The following FRYL variants were observed in gnomAD, a reference collection of about 807,000 sequenced individuals.
FRYL encodes the protein protein furry homolog-like.
In FRYL, 150 loss-of-function variants were observed where a neutral mutation model predicts 351.2. That is an observed-to-expected ratio of 0.43 (90% CI 0.37 to 0.49). The LOEUF (loss-of-function observed/expected upper bound fraction) is 0.49, where lower values mean the gene tolerates loss of function less well. FRYL is among the 20% of genes least tolerant of loss of function. FRYL has a pLI of 0.00. For missense variants in FRYL, 3,036 were observed against 3,619.3 expected (o/e 0.84, Z 4.13); for synonymous variants, 1,153 against 1,257.1 (o/e 0.92, Z 1.75).
At chr4:48,697,832 T>C (rs1025289134) in intron 2 of FRYL, among the ~76,000 whole-genome samples, 8 of 152,292 alleles carry the variant, frequency 5.3e-5, no homozygotes, top group East Asian at 3.9e-4. Flanking sequence ...AGAATTTGCA[T>C]TGGCAAAGAA....
At chr4:48,614,922 G>T (rs1749099337) in intron 7 of FRYL, among the ~76,000 whole-genome samples, 1 of 137,600 alleles carries the variant, frequency 7.3e-6, no homozygotes, top group Admixed American at 8.1e-5. Context: ...CGCCTCCCAG[G>T]TTCATACCAT....
chr4:48,527,457 G>A lies in FRYL; in HGVS notation c.7317+20C>T. ...TACAACTGTTCTATAAATATTAACA[G>A]AGAAAGCCCACATCCTTACCTCTGC... On this transcript the variant is annotated intron_variant, in intron 53 of 63. Transcript: ENST00000358350. 2 of 1,588,812 alleles carry A rather than the reference G, an allele frequency of 1.3e-6. No individual in the cohort carries two copies. Among genetic ancestry groups the A allele is most frequent in the Non-Finnish European group, 1.7e-6 (2 of 1,164,124 alleles).
intron 5 of FRYL, among the ~76,000 whole-genome samples, chr4:48,621,268 TATA>T (rs1750584782): frequency 1.3e-5 from 2 of 152,194 alleles, no homozygotes; most frequent in Admixed American, 1.3e-4. Context: ...AGAGGAGAAT[TATA>T]ATTACTCTGC....
rs1252162552 is a variant in FRYL, at chr4:48,626,460, ATAAT to A, written c.121-3285_121-3282del. On this transcript the variant is annotated intron_variant, in intron 4 of 63. Transcript: ENST00000358350. Reference sequence around the variant, plus strand: ...TATATCGGCTATTTGATAAGCTAATATAATTAATCAAATTAATCAAACCATTACA... The same window carrying A: ...TATATCGGCTATTTGATAAGCTAATATAATCAAATTAATCAAACCATTACA... Among the ~76,000 whole-genome samples, 4 of 152,122 alleles carry A rather than the reference ATAAT, an allele frequency of 2.6e-5. No individual in the cohort carries two copies. In the South Asian group the frequency reaches 6.2e-4, roughly 24 times the overall value.
At chr4:48,535,543 CCA>C (rs1728680417) in intron 48 of FRYL, 112 bp downstream of exon 48, 2 of 500,370 alleles carry the variant, frequency 4.0e-6, no homozygotes, top group East Asian at 3.6e-5. Flanking sequence ...TGATAAGGTG[CCA>C]CAGAGTAGTT....
At chr4:48,636,640 T>G (rs1390912277) in intron 3 of FRYL, among the ~76,000 whole-genome samples, 29 of 151,954 alleles carry the variant, frequency 1.9e-4, no homozygotes, top group Admixed American at 1.8e-3. Context: ...ATTAAAAAAT[T>G]TGCCTATAAA....
chr4:48,700,189 T>C (rs568978729), intron 2 of FRYL, among the ~76,000 whole-genome samples: 18 of 152,298 alleles, frequency 1.2e-4, no homozygotes, highest in Admixed American at 3.3e-4. Context: ...ACGGTACAAA[T>C]GCAGTTATTA....
At chr4:48,627,012 T>G (rs1161932633) in intron 4 of FRYL, among the ~76,000 whole-genome samples, 1 of 152,106 alleles carries the variant, frequency 6.6e-6, no homozygotes, top group Non-Finnish European at 1.5e-5. Flanking sequence ...GGACAAGACA[T>G]TTATCTCTAA....
chr4:48,585,865 T>C (rs892023025), intron 19 of FRYL, among the ~76,000 whole-genome samples: 1 of 152,236 alleles, frequency 6.6e-6, no homozygotes, highest in Non-Finnish European at 1.5e-5. Flanking sequence ...TATTTTGAAA[T>C]GTACAACAGA....
intron 49 of FRYL, among the ~76,000 whole-genome samples, chr4:48,533,429 G>GATTCC (rs2148892471): frequency 6.6e-6 from 1 of 152,194 alleles, no homozygotes; most frequent in East Asian, 1.9e-4. Context: ...TGATTTTCAA[G>GATTCC]GGAATGTAAG....
Position 48,633,554 on chromosome 4 carries a change from T to A in FRYL, c.120+737A>T, listed in dbSNP as rs1279662231. Among the ~76,000 whole-genome samples the A allele has an allele frequency of 2.0e-5, 3 of 152,214 alleles. No homozygotes were observed. In the East Asian group the frequency reaches 5.8e-4, roughly 29 times the overall value. ...GAAAAATTATTTTATCCACCTTTTC[T>A]ACCCAAAGATATTCCTGTGTACTTT... On this transcript the variant is annotated intron_variant, in intron 4 of 63. Transcript: ENST00000358350.
chr4:48,706,948 C>A (rs1282882608), intron 2 of FRYL, among the ~76,000 whole-genome samples: 5 of 152,200 alleles, frequency 3.3e-5, no homozygotes, highest in African/African-American at 1.2e-4. Context: ...ATGATTGCAG[C>A]CCCAGAAGAT....
chr4:48,558,584 A>G (rs1176522401), intron 33 of FRYL, among the ~76,000 whole-genome samples: 1 of 152,228 alleles, frequency 6.6e-6, no homozygotes, highest in Non-Finnish European at 1.5e-5. Flanking sequence ...AAGATGGCAA[A>G]TTTTATGCTT....
At chr4:48,504,674 C>G (rs557921143) in intron 60 of FRYL, among the ~76,000 whole-genome samples, 1 of 152,198 alleles carries the variant, frequency 6.6e-6, no homozygotes, top group South Asian at 2.1e-4. Flanking sequence ...ATTAGCATCT[C>G]TGAACCTCAG....
At chr4:48,616,381 A>C (rs1305121021) in intron 7 of FRYL, among the ~76,000 whole-genome samples, 1 of 152,216 alleles carries the variant, frequency 6.6e-6, no homozygotes, top group East Asian at 1.9e-4. Context: ...CTTCACCTGT[A>C]AAGTGAAAAT....
chr4:48,761,117 TTC>T (rs1449184905), intron 1 of FRYL, among the ~76,000 whole-genome samples: 3 of 151,232 alleles, frequency 2.0e-5, no homozygotes, highest in Admixed American at 1.3e-4. Context: ...CACTTTCTCC[TTC>T]TGTCTCCTTA....
At position 48,582,280 on chromosome 4, in the gene FRYL, A is replaced by G. The variant is rs556077325; in HGVS notation, c.1986+217T>C. Among the ~76,000 whole-genome samples, 3 of 152,340 alleles carry G rather than the reference A, an allele frequency of 2.0e-5. No individual in the cohort carries two copies. The South Asian group carries it at 6.2e-4, about 32-fold the overall frequency. ...TATCTCTAATTTCTATGCTCATTAA[A>G]AACCCAAAGAAGAAGATTAGAAAAG... On this transcript the variant is annotated intron_variant, in intron 20 of 63. Transcript: ENST00000358350.
chr4:48,574,356 T>C (rs1490311127), intron 25 of FRYL: 1 of 152,236 alleles, frequency 6.6e-6, no homozygotes, highest in East Asian at 1.9e-4. Context: ...TTATCTGTCT[T>C]AAAATCTTTT....
At chr4:48,691,604 A>G (rs554176480) in intron 2 of FRYL, among the ~76,000 whole-genome samples, 1 of 152,326 alleles carries the variant, frequency 6.6e-6, no homozygotes, top group Non-Finnish European at 1.5e-5. Context: ...AAAAGTGCTT[A>G]AACAGTGCTT....
Sources: allele counts gnomAD v4.1 joint callset (sites outside exome capture counted in the v4.1 genomes callset), GRCh38; gene constraint gnomAD v4.1.1; transcripts MANE v1.5; gene names NCBI Gene and HGNC (gene_info 2026-07-23, HGNC 2026-07-21).